DOK6: variants seen among roughly 807,000 people sequenced by gnomAD.
DOK6 encodes downstream of tyrosine kinase 6.
Under a neutral mutation model 44.0 loss-of-function variants are expected in DOK6, and 22 were observed. That is an observed-to-expected ratio of 0.50 (90% confidence interval 0.36 to 0.71). The LOEUF is 0.71. Among genes scored for constraint, DOK6 ranks in the 30% least tolerant of loss-of-function variants. The pLI, the probability that DOK6 is intolerant of heterozygous loss-of-function variation, is 0.00. For missense variants in DOK6, 340 were observed against 416.4 expected (o/e 0.82, Z 1.60); for synonymous variants, 166 against 145.5 (o/e 1.14, Z -1.01).
intron 3 of DOK6, among the ~76,000 whole-genome samples, chr18:69,622,365 C>T (rs1232609486): frequency 6.6e-6 from 1 of 152,164 alleles, no homozygotes; most frequent in Non-Finnish European, 1.5e-5. Context: ...CTGCAGTATT[C>T]GTTTGTTTTG....
chr18:69,822,551 T>G (rs1222838670), intron 7 of DOK6, among the ~76,000 whole-genome samples: 2 of 152,166 alleles, frequency 1.3e-5, no homozygotes, highest in Non-Finnish European at 2.9e-5. Context: ...AAATAGGCAA[T>G]AATCCAGCCT....
intron 5 of DOK6, among the ~76,000 whole-genome samples, chr18:69,715,734 C>T (rs60228612): frequency 6.6e-6 from 1 of 152,174 alleles, no homozygotes. Flanking sequence ...TATTAGAAAC[C>T]AGTCAGATCA....
intron 7 of DOK6, among the ~76,000 whole-genome samples, chr18:69,791,830 C>T (rs1980609566): frequency 6.6e-6 from 1 of 152,124 alleles, no homozygotes; most frequent in African/African-American, 2.4e-5. Context: ...TTTGCCCAGT[C>T]CAATGTCCTG....
intron 1 of DOK6, among the ~76,000 whole-genome samples, chr18:69,407,299 T>A (rs1373933107): frequency 6.6e-6 from 1 of 152,230 alleles, no homozygotes; most frequent in Non-Finnish European, 1.5e-5. Context: ...ATTGAAATTA[T>A]CTGTAGTCCC....
At chr18:69,808,502 G>GT (rs1482416393) in intron 7 of DOK6, among the ~76,000 whole-genome samples, 1 of 151,756 alleles carries the variant, frequency 6.6e-6, no homozygotes, top group Non-Finnish European at 1.5e-5. Context: ...AAAGTTGGTT[G>GT]TTTTTGAAAG....
intron 1 of DOK6, among the ~76,000 whole-genome samples, chr18:69,531,580 G>T (rs1981987624): frequency 6.6e-6 from 1 of 151,768 alleles, no homozygotes; most frequent in African/African-American, 2.4e-5. Flanking sequence ...CTCTTATGAA[G>T]TCCAGACATA....
chr18:69,586,967 G>A (rs1983517140), intron 2 of DOK6, among the ~76,000 whole-genome samples: 1 of 152,178 alleles, frequency 6.6e-6, no homozygotes, highest in African/African-American at 2.4e-5. Context: ...GCCTTCAGGT[G>A]ACACTGAATA....
At chr18:69,737,257 GA>G (rs1643835449) in intron 5 of DOK6, among the ~76,000 whole-genome samples, 1 of 152,216 alleles carries the variant, frequency 6.6e-6, no homozygotes, top group African/African-American at 2.4e-5. Context: ...GAGGCCTCAG[GA>G]AACTTACCAT....
chr18:69,402,755 C>A (rs1042967148), intron 1 of DOK6, among the ~76,000 whole-genome samples: 6 of 152,186 alleles, frequency 3.9e-5, no homozygotes, highest in Non-Finnish European at 8.8e-5. Context: ...AGCCAACGTG[C>A]GCTGCCGTGA....
At chr18:69,628,968 G>C (rs770809022) in intron 3 of DOK6, among the ~76,000 whole-genome samples, 7 of 152,226 alleles carry the variant, frequency 4.6e-5, no homozygotes, top group Non-Finnish European at 8.8e-5. Flanking sequence ...CTCAGCAAAA[G>C]AGCCCAGCTT....
chr18:69,692,720 T>C (rs535755592), intron 4 of DOK6, among the ~76,000 whole-genome samples: 3 of 152,370 alleles, frequency 2.0e-5, no homozygotes, highest in South Asian at 2.1e-4. Context: ...CCTGTGACTC[T>C]AGTTATGTAC....
chr18:69,431,421 TTCTTATTTA>T lies in DOK6; in HGVS notation c.66+30112_66+30120del, dbSNP rs1978803910. ...CTCTAGGCAAGAGTGGGAGGTTTCA[TTCTTATTTA>T]CATAATTTCAAACATCAAAGTTTCT... On this transcript the variant is annotated intron_variant, in intron 1 of 7. Coordinates refer to ENST00000382713, the MANE Select transcript of DOK6 (RefSeq NM_152721.6). 2.0e-5 allele frequency among the ~76,000 whole-genome samples: 3 copies of T among 152,330 alleles called. No homozygotes were observed. The South Asian group carries it at 6.2e-4, about 32-fold the overall frequency.
chr18:69,678,681 T>C (rs1313558266), intron 4 of DOK6, among the ~76,000 whole-genome samples: 1 of 152,222 alleles, frequency 6.6e-6, no homozygotes, highest in Non-Finnish European at 1.5e-5. Flanking sequence ...TGTTCTTGAC[T>C]AGCAACTCTA....
At chr18:69,605,874 G>C (rs1031759489) in intron 3 of DOK6, among the ~76,000 whole-genome samples, 3 of 152,168 alleles carry the variant, frequency 2.0e-5, no homozygotes, top group African/African-American at 7.2e-5. Context: ...AGTTCTGGAA[G>C]CTCTGTTGCC....
chr18:69,659,735 C>T (rs572375971), intron 3 of DOK6: 38 of 151,282 alleles, frequency 2.5e-4, no homozygotes, highest in African/African-American at 6.1e-4. Flanking sequence ...GACAGTGTCA[C>T]TCTGAACATT....
At chr18:69,841,113 A>T in intron 7 of DOK6, 131 bp from the exon 8 acceptor site, 1 of 1,125,352 alleles carries the variant, frequency 8.9e-7, no homozygotes, top group Non-Finnish European at 1.3e-6. Flanking sequence ...AATATTGAGG[A>T]TGTGAAAGCT....
intron 1 of DOK6, among the ~76,000 whole-genome samples, chr18:69,415,637 T>A (rs1568250132): frequency 6.6e-6 from 1 of 152,134 alleles, no homozygotes; most frequent in Admixed American, 6.6e-5. Context: ...TGATATATTA[T>A]GTAACATTTT....
intron 7 of DOK6, among the ~76,000 whole-genome samples, chr18:69,758,266 A>T (rs892253742): frequency 2.0e-5 from 3 of 152,186 alleles, no homozygotes; most frequent in Non-Finnish European, 4.4e-5. Context: ...GGCTGACTTC[A>T]GGCTTTAAGG....
At chr18:69,570,154 C>T (rs1983080164) in intron 2 of DOK6, among the ~76,000 whole-genome samples, 1 of 151,812 alleles carries the variant, frequency 6.6e-6, no homozygotes, top group Admixed American at 6.6e-5. Flanking sequence ...ACAAGTTTAC[C>T]TATATAGCAA....
Sources: gnomAD v4.1 joint callset for allele counts (sites outside exome capture counted in the v4.1 genomes callset) on GRCh38, gnomAD v4.1.1 for gene constraint, MANE v1.5 for transcripts, NCBI Gene and HGNC (gene_info 2026-07-23, HGNC 2026-07-21) for gene names.